CCDC7: variants seen among roughly 807,000 people sequenced by gnomAD.
CCDC7 encodes coiled-coil domain containing 7, also known as coiled-coil domain-containing protein 7.
Under a neutral mutation model 196.9 loss-of-function variants are expected in CCDC7, and 183 were observed. The observed-to-expected ratio is 0.93, with a 90% confidence interval of 0.82 to 1.05. The LOEUF (loss-of-function observed/expected upper bound fraction) is 1.05, where lower values mean the gene tolerates loss of function less well. Among genes scored for constraint, CCDC7 ranks in the 50% least tolerant of loss-of-function variants. CCDC7 has a pLI of 0.00. For missense variants in CCDC7, 1,540 were observed against 1,482.2 expected (o/e 1.04, Z -0.64); for synonymous variants, 525 against 484.6 (o/e 1.08, Z -1.10).
At chr10:32,671,792 G>A (rs941657148) in intron 21 of CCDC7, among the ~76,000 whole-genome samples, 1 of 152,078 alleles carries the variant, frequency 6.6e-6, no homozygotes, top group African/African-American at 2.4e-5. Context: ...TGCAGTTCTG[G>A]CACTCATGAG....
chr10:32,509,052 A>G (rs2045671648), intron 9 of CCDC7, among the ~76,000 whole-genome samples: 1 of 149,666 alleles, frequency 6.7e-6, no homozygotes, highest in Admixed American at 6.8e-5. Context: ...CTCCTGCCTC[A>G]GCCTCCTGAG....
chr10:32,585,492 A>G (rs1290096221), intron 18 of CCDC7, among the ~76,000 whole-genome samples: 3 of 152,260 alleles, frequency 2.0e-5, no homozygotes, highest in East Asian at 3.9e-4. Context: ...CGTCATCTAC[A>G]TTAGGTATTT....
At chr10:32,457,996 T>C (rs929093143) in intron 3 of CCDC7, among the ~76,000 whole-genome samples, 1 of 152,182 alleles carries the variant, frequency 6.6e-6, no homozygotes, top group Non-Finnish European at 1.5e-5. Flanking sequence ...ACTCTGTTGG[T>C]TGTTTCCTTT....
chr10:32,746,701 T>A (rs2074802685), intron 28 of CCDC7, among the ~76,000 whole-genome samples: 1 of 152,180 alleles, frequency 6.6e-6, no homozygotes, highest in African/African-American at 2.4e-5. Flanking sequence ...ATGGTGCCTT[T>A]GCCAGCAGAC....
At chr10:32,787,362 C>T (rs1381726987) in intron 29 of CCDC7, among the ~76,000 whole-genome samples, 11 of 152,042 alleles carry the variant, frequency 7.2e-5, no homozygotes, top group Non-Finnish European at 1.6e-4. Flanking sequence ...ATAGAAACAT[C>T]AGTTTGAACA....
chr10:32,607,448 T>A (rs2061664439), intron 18 of CCDC7, among the ~76,000 whole-genome samples: 1 of 152,206 alleles, frequency 6.6e-6, no homozygotes. Flanking sequence ...CCATTCAGTA[T>A]AATGTTAGCT....
At chr10:32,498,019 T>C (rs2043188257) in intron 9 of CCDC7, among the ~76,000 whole-genome samples, 1 of 152,192 alleles carries the variant, frequency 6.6e-6, no homozygotes, top group African/African-American at 2.4e-5. Flanking sequence ...AATAATTGTG[T>C]GGGAGTCTAA....
At chr10:32,861,098 G>T (rs1340521854) in intron 41 of CCDC7, among the ~76,000 whole-genome samples, 1 of 97,936 alleles carries the variant, frequency 1.0e-5, no homozygotes, top group African/African-American at 3.6e-5. Flanking sequence ...AGCCTGCATA[G>T]CCAAGACAAT....
At chr10:32,598,575 A>G (rs1716012) in intron 18 of CCDC7, among the ~76,000 whole-genome samples, 140,512 of 152,230 alleles carry the variant, frequency 0.92, 65,847 homozygotes, top group East Asian at 1. Context: ...CATCATTCAC[A>G]CTGGGAGCTG....
chr10:32,868,928 A>G (rs1204785191), intron 41 of CCDC7, among the ~76,000 whole-genome samples: 1 of 152,092 alleles, frequency 6.6e-6, no homozygotes, highest in Admixed American at 6.6e-5. Flanking sequence ...ATAGTATTCC[A>G]TGGTGTATAT....
chr10:32,826,915 A>G (rs1187530900), intron 32 of CCDC7, among the ~76,000 whole-genome samples: 2 of 152,218 alleles, frequency 1.3e-5, no homozygotes, highest in African/African-American at 2.4e-5. Flanking sequence ...TGGAGCCAAT[A>G]GTTTGTCTGG....
At chr10:32,554,509 CTT>C (rs572069337) in intron 13 of CCDC7, among the ~76,000 whole-genome samples, 116 of 152,328 alleles carry the variant, frequency 7.6e-4, no homozygotes, top group African/African-American at 2.7e-3. Context: ...TTCTTCTACT[CTT>C]ATATTTCACT....
intron 20 of CCDC7, among the ~76,000 whole-genome samples, chr10:32,660,939 CA>C (rs1267162590): frequency 4.4e-4 from 62 of 140,176 alleles, no homozygotes; most frequent in Non-Finnish European, 8.0e-4. Flanking sequence ...TCTAAAACAC[CA>C]AAAGCAATGG....
At chr10:32,713,598 C>T (rs1382565459) in intron 25 of CCDC7, among the ~76,000 whole-genome samples, 1 of 152,236 alleles carries the variant, frequency 6.6e-6, no homozygotes, top group African/African-American at 2.4e-5. Context: ...AAATAGCACT[C>T]ATACTGTTCA....
chr10:32,815,057 C>T (rs2088097861), intron 31 of CCDC7, among the ~76,000 whole-genome samples: 1 of 152,030 alleles, frequency 6.6e-6, no homozygotes, highest in African/African-American at 2.4e-5. Context: ...CACAAACACC[C>T]CACCACCAAC....
intron 11 of CCDC7, among the ~76,000 whole-genome samples, chr10:32,528,730 ACG>A (rs1188244629): frequency 7.0e-6 from 1 of 143,006 alleles, no homozygotes; most frequent in African/African-American, 2.6e-5. Context: ...ATACGTATTT[ACG>A]TATATATGTA....
At chr10:32,615,241 G>A (rs1237451151) in intron 18 of CCDC7, among the ~76,000 whole-genome samples, 1 of 152,102 alleles carries the variant, frequency 6.6e-6, no homozygotes, top group African/African-American at 2.4e-5. Flanking sequence ...TTACTTCACT[G>A]AGAAATTGCC....
intron 20 of CCDC7, among the ~76,000 whole-genome samples, chr10:32,649,022 G>T (rs1045857480): frequency 1.3e-5 from 2 of 152,214 alleles, no homozygotes; most frequent in Non-Finnish European, 2.9e-5. Context: ...TATGGTTGGA[G>T]TTGGAAACTA....
intron 33 of CCDC7, among the ~76,000 whole-genome samples, chr10:32,843,483 A>C (rs2093103877): frequency 6.6e-6 from 1 of 152,030 alleles, no homozygotes; most frequent in Non-Finnish European, 1.5e-5. Context: ...TGAATCGAAC[A>C]CTTTACATAG....
Sources: gnomAD v4.1 joint callset for allele counts (sites outside exome capture counted in the v4.1 genomes callset) on GRCh38, gnomAD v4.1.1 for gene constraint, MANE v1.5 for transcripts, NCBI Gene and HGNC (gene_info 2026-07-23, HGNC 2026-07-21) for gene names.